NIPSNAP3A: variants seen among roughly 807,000 people sequenced by gnomAD.
NIPSNAP3A encodes nipsnap homolog 3A, also known as protein NipSnap homolog 3A.
A neutral mutation model predicts 32.3 loss-of-function variants in NIPSNAP3A; 27 were observed. The observed-to-expected ratio is 0.84, with a 90% CI of 0.62 to 1.15. The LOEUF is 1.15. NIPSNAP3A is among the 50% of genes most tolerant of loss of function. NIPSNAP3A has a pLI of 0.00. For synonymous variants in NIPSNAP3A, 108 were observed against 107.3 expected (o/e 1.01, Z -0.04); for missense variants, 278 against 297.2 (o/e 0.94, Z 0.48).
rs572546776 is a variant in NIPSNAP3A, at chr9:104,749,995, T to A, written c.61-961T>A. 3.9e-5 allele frequency among the ~76,000 whole-genome samples: 6 copies of A among 152,382 alleles called. 1 individual carries two copies. In the South Asian group the frequency reaches 1.2e-3, roughly 32 times the overall value. ...GGATAGGTCAGAGCTTTTTATTGCA[T>A]TAGTTACATTCCAGTCCTAATTTTG... On this transcript the variant is annotated intron_variant, in intron 1 of 5. Transcript: ENST00000374767.
chr9:104,755,209 C>G (rs1002239351), intron 4 of NIPSNAP3A, among the ~76,000 whole-genome samples: 1 of 150,972 alleles, frequency 6.6e-6, no homozygotes, highest in Non-Finnish European at 1.5e-5. Flanking sequence ...CCATCGCACT[C>G]CAGCCTGGGT....
chr9:104,753,417 A>G (rs1254366380), intron 3 of NIPSNAP3A, among the ~76,000 whole-genome samples: 1 of 152,224 alleles, frequency 6.6e-6, no homozygotes, highest in Non-Finnish European at 1.5e-5. Flanking sequence ...ATTTTAAAAT[A>G]ATATGATCTT....
intron 1 of NIPSNAP3A, 28 bp from the exon 2 acceptor site, chr9:104,750,928 A>G (rs1434164109): frequency 1.3e-6 from 2 of 1,537,382 alleles, no homozygotes; most frequent in Non-Finnish European, 1.8e-6. Context: ...TCTTCTCAAG[A>G]TATTTACATT....
rs892392696 is a variant in NIPSNAP3A, at chr9:104,759,470, T to C, written c.*132T>C. On this transcript the variant is annotated 3_prime_UTR_variant, in exon 6 of 6. Coordinates refer to ENST00000374767, the MANE Select transcript of NIPSNAP3A (RefSeq NM_015469.3). Reference sequence around the variant, plus strand: ...AGTTAATTTGCTATGTTTCTTGCATTATGAAGGCTACATCTGTGCTTTGTA... The same window carrying C: ...AGTTAATTTGCTATGTTTCTTGCATCATGAAGGCTACATCTGTGCTTTGTA... The C allele has an allele frequency of 1.2e-6, 1 of 840,758 alleles. No individual in the cohort carries two copies. Among genetic ancestry groups the C allele is most frequent in the African/African-American group, 1.7e-5 (1 of 59,198 alleles). 52.1% of individuals were successfully genotyped at this position (840,758 alleles called of 1,614,324 possible).
chr9:104,759,120 C>T lies in NIPSNAP3A; in HGVS notation c.616C>T (p.Arg206Cys), dbSNP rs533684914. ...TTGGTGGAATGAGAGTGCAGATAGT[C>T]GTGCAGCTGGGAGACATAAGTCCCA... is the stretch of plus-strand genomic sequence containing the variant. Reference protein sequence around the residue: ...VLWWNESADSRAAGRHKSHED... With the variant: ...VLWWNESADSCAAGRHKSHED... Residue 206 changes from arginine to cysteine, a missense_variant, in exon 5 of 6, where the codon CGT becomes TGT. Physicochemically the swap from Arg to Cys is radical, Grantham distance 180. Transcript: ENST00000374767. The T allele has an allele frequency of 5.6e-6, 9 of 1,612,936 alleles. No homozygotes were observed. The highest frequency in any genetic ancestry group is 3.3e-5 in the South Asian group (3 of 90,888).
chr9:104,758,613 T>A (rs116383481), intron 4 of NIPSNAP3A, among the ~76,000 whole-genome samples: 1 of 152,096 alleles, frequency 6.6e-6, no homozygotes. Flanking sequence ...TGAAATCTTA[T>A]CAGTAACATA....
At chr9:104,749,034 C>T (rs1827814909) in intron 1 of NIPSNAP3A, among the ~76,000 whole-genome samples, 7 of 152,150 alleles carry the variant, frequency 4.6e-5, no homozygotes. Context: ...CATCTCTCTC[C>T]CTCTCTCACT....
intron 1 of NIPSNAP3A, among the ~76,000 whole-genome samples, chr9:104,748,626 C>T (rs1827807910): frequency 6.6e-6 from 1 of 152,148 alleles, no homozygotes. Context: ...GGACTTTACT[C>T]CTTTCTGAAG....
rs765745759 is a variant in NIPSNAP3A, at chr9:104,747,838, A to G, written c.46A>G (p.Thr16Ala). ...CCTGACTCGGGCGCTGGCCTCACGG[A>G]CGCTGGCGCCTCAGGTACCGGCCAC... ...SALTRALASR[T>A]LAPQMCSSFA... is the part of the protein sequence containing the mutation. Residue 16 changes from threonine (T) to alanine (A), a missense_variant, in exon 1 of 6, where the codon ACG becomes GCG. By Grantham distance (58) the Thr-to-Ala change is moderately conservative. Transcript: ENST00000374767. 53 of 1,608,280 alleles carry G rather than the reference A, an allele frequency of 3.3e-5. No individual in the cohort carries two copies. The highest frequency in any genetic ancestry group is 4.3e-5 in the Non-Finnish European group (51 of 1,178,910).
rs570410880 is a variant in NIPSNAP3A, at chr9:104,758,650, A to G, written c.581-435A>G. 2.6e-5 allele frequency among the ~76,000 whole-genome samples: 4 copies of G among 152,038 alleles called. No homozygotes were observed. In the South Asian group the frequency reaches 8.3e-4, roughly 32 times the overall value. ...TTAGTTTTACCTTTTTGATATCACT[A>G]TTTCGATTTAAAGAATAGGATGGTT... On this transcript the variant is annotated intron_variant, in intron 4 of 5. Coordinates refer to ENST00000374767, the MANE Select transcript of NIPSNAP3A (RefSeq NM_015469.3).
rs1827942947 is a variant in NIPSNAP3A at position 104,759,138 on chromosome 9, A to C, written c.634A>C (p.Lys212Gln). 6.2e-7 allele frequency: 1 copy of C among 1,613,526 alleles called. No homozygotes were observed. Residue 212 changes from lysine (K) to glutamine (Q), a missense_variant, in exon 5 of 6, where the codon AAG becomes CAG. Transcript: ENST00000374767. ...AGATAGTCGTGCAGCTGGGAGACATAAGTCCCATGAGGATCCCAGAGTTGT... is the reference window on the plus strand; with the variant it reads ...AGATAGTCGTGCAGCTGGGAGACATCAGTCCCATGAGGATCCCAGAGTTGT... ...SADSRAAGRHKSHEDPRVVAA... is the reference protein window; with the variant it reads ...SADSRAAGRHQSHEDPRVVAA...
intron 4 of NIPSNAP3A, among the ~76,000 whole-genome samples, chr9:104,755,702 G>C (rs1472908872): frequency 6.6e-6 from 1 of 152,038 alleles, no homozygotes; most frequent in Non-Finnish European, 1.5e-5. Context: ...CTGGTGGATT[G>C]CTTAAGCCCA....
At chr9:104,757,828 G>A (rs1827924082) in intron 4 of NIPSNAP3A, among the ~76,000 whole-genome samples, 1 of 152,086 alleles carries the variant, frequency 6.6e-6, no homozygotes, top group Non-Finnish European at 1.5e-5. Context: ...AAGGCAGTAG[G>A]ATTGCTTGAG....
Position 104,753,131 on chromosome 9 carries a change from A to G in NIPSNAP3A, c.430+67A>G. 3 of 1,279,484 alleles carry G rather than the reference A, an allele frequency of 2.3e-6. No individual in the cohort carries two copies. The South Asian group carries it at 3.7e-5, about 16-fold the overall frequency. 79.3% of individuals were successfully genotyped at this position (1,279,484 alleles called of 1,614,324 possible). Reference sequence around the variant, plus strand: ...ATACTAAAGAACTTAAGTGATCAAAACTGAAGTTCCTTTGGAAAAAAATAA... The same window carrying G: ...ATACTAAAGAACTTAAGTGATCAAAGCTGAAGTTCCTTTGGAAAAAAATAA... On this transcript the variant is annotated intron_variant, in intron 3 of 5. Transcript: ENST00000374767.
At chr9:104,753,366 C>T (rs1311682929) in intron 3 of NIPSNAP3A, among the ~76,000 whole-genome samples, 2 of 152,054 alleles carry the variant, frequency 1.3e-5, no homozygotes, top group Non-Finnish European at 2.9e-5. Context: ...GAGCAGAGAA[C>T]GTGTTGATAG....
At chr9:104,758,281 C>G (rs1827928078) in intron 4 of NIPSNAP3A, among the ~76,000 whole-genome samples, 1 of 151,868 alleles carries the variant, frequency 6.6e-6, no homozygotes, top group African/African-American at 2.4e-5. Context: ...ACAATAAGAC[C>G]CTGATTTGGT....
At position 104,755,933 on chromosome 9, in the gene NIPSNAP3A, G is replaced by A. The variant is rs374621603; in HGVS notation, c.580+1233G>A. Among the ~76,000 whole-genome samples, 13 of 150,500 alleles carry A rather than the reference G, an allele frequency of 8.6e-5. No homozygotes were observed. In the East Asian group the frequency reaches 1.5e-3, roughly 18 times the overall value. On this transcript the variant is annotated intron_variant, in intron 4 of 5. Coordinates refer to ENST00000374767, the MANE Select transcript of NIPSNAP3A (RefSeq NM_015469.3). ...AGACCCTGTCTCTTAAAAAAAAAAAGTAACGAAGAAAGGATAAATGTCTAA... is the reference window on the plus strand; with the variant it reads ...AGACCCTGTCTCTTAAAAAAAAAAAATAACGAAGAAAGGATAAATGTCTAA...
At chr9:104,752,265 A>G (rs1312802926) in intron 2 of NIPSNAP3A, among the ~76,000 whole-genome samples, 1 of 152,162 alleles carries the variant, frequency 6.6e-6, no homozygotes, top group Non-Finnish European at 1.5e-5. Context: ...GGATGACAAT[A>G]AGAGAATCAG....
At chr9:104,756,198 G>A (rs1005135891) in intron 4 of NIPSNAP3A, among the ~76,000 whole-genome samples, 3 of 152,026 alleles carry the variant, frequency 2.0e-5, no homozygotes, top group Non-Finnish European at 4.4e-5. Flanking sequence ...CACCATATGC[G>A]AAAATAAAGT....
Sources: allele counts gnomAD v4.1 joint callset (sites outside exome capture counted in the v4.1 genomes callset), GRCh38; gene constraint gnomAD v4.1.1; transcripts MANE v1.5; gene names NCBI Gene and HGNC (gene_info 2026-07-23, HGNC 2026-07-21).